PKNOX2: variants seen among roughly 807,000 people sequenced by gnomAD.
The protein encoded by PKNOX2 is PBX/knotted 1 homeobox 2, also known as homeobox protein PKNOX2.
A neutral mutation model predicts 53.1 loss-of-function variants in PKNOX2; 14 were observed. The observed-to-expected ratio is 0.26, with a 90% CI of 0.17 to 0.41. The LOEUF (loss-of-function observed/expected upper bound fraction) is 0.41. Ranked by LOEUF, PKNOX2 falls within the 10% of genes least tolerant of loss-of-function variation. The pLI, the probability that PKNOX2 is intolerant of heterozygous loss-of-function variation, is 1.00. For synonymous variants in PKNOX2, 257 were observed against 242.8 expected (o/e 1.06, Z -0.54); for missense variants, 496 against 602.8 (o/e 0.82, Z 1.85).
At chr11:125,332,405 G>T (rs147337526) in intron 3 of PKNOX2, among the ~76,000 whole-genome samples, 2 of 152,194 alleles carry the variant, frequency 1.3e-5, no homozygotes, top group East Asian at 3.9e-4. Flanking sequence ...TTGATGCATG[G>T]AAACTGCATT....
At chr11:125,384,835 G>A (rs1470085448) in intron 5 of PKNOX2, among the ~76,000 whole-genome samples, 1 of 151,950 alleles carries the variant, frequency 6.6e-6, no homozygotes, top group Non-Finnish European at 1.5e-5. Context: ...TCTGCTATGA[G>A]CATGCATGCC....
At chr11:125,277,043 G>GA (rs1289985249) in intron 2 of PKNOX2, among the ~76,000 whole-genome samples, 1 of 152,114 alleles carries the variant, frequency 6.6e-6, no homozygotes, top group African/African-American at 2.4e-5. Flanking sequence ...AACGGATCAT[G>GA]AAAAAAATGT....
intron 2 of PKNOX2, chr11:125,266,508 A>G (rs1945354922): frequency 6.6e-6 from 1 of 152,190 alleles, no homozygotes; most frequent in Non-Finnish European, 1.5e-5. Flanking sequence ...GGATGTGTGG[A>G]GGCAGGAAGG....
chr11:125,261,523 T>A (rs969624367), intron 2 of PKNOX2, among the ~76,000 whole-genome samples: 2 of 152,120 alleles, frequency 1.3e-5, no homozygotes, highest in African/African-American at 4.8e-5. Context: ...TGGACAGGGG[T>A]CCTTGTGGAG....
chr11:125,323,658 T>A (rs1319269129), intron 2 of PKNOX2, among the ~76,000 whole-genome samples: 1 of 152,172 alleles, frequency 6.6e-6, no homozygotes, highest in African/African-American at 2.4e-5. Context: ...AAAATTTACA[T>A]GTGTGGGGAA....
intron 2 of PKNOX2, among the ~76,000 whole-genome samples, chr11:125,264,996 A>G (rs114399320): frequency 6.6e-6 from 1 of 152,088 alleles, no homozygotes; most frequent in African/African-American, 2.4e-5. Flanking sequence ...TAAAACAGTT[A>G]CAGGGCTTAT....
In PKNOX2 at chr11:125,336,724, C is replaced by T. The variant is rs373334164; in HGVS notation, c.-23+4799C>T. On this transcript the variant is annotated intron_variant, in intron 3 of 12. Transcript: ENST00000298282. ...TAATATAGTATATAGCATTATATATCATACATAATACTGTATACTACATGA... is the reference window on the plus strand; with the variant it reads ...TAATATAGTATATAGCATTATATATTATACATAATACTGTATACTACATGA... Among the ~76,000 whole-genome samples the T allele has an allele frequency of 2.0e-3, 291 of 146,102 alleles. No homozygotes were observed. The South Asian group carries it at 0.024, about 12-fold the overall frequency.
intron 2 of PKNOX2, among the ~76,000 whole-genome samples, chr11:125,247,776 A>C (rs1442188809): frequency 6.6e-6 from 1 of 152,122 alleles, no homozygotes; most frequent in Non-Finnish European, 1.5e-5. Flanking sequence ...AGGATATGGG[A>C]TCTCCAGAGG....
intron 1 of PKNOX2, among the ~76,000 whole-genome samples, chr11:125,228,141 C>T (rs918507167): frequency 6.6e-6 from 1 of 152,222 alleles, no homozygotes; most frequent in Non-Finnish European, 1.5e-5. Context: ...TCTAGAGCAA[C>T]TCAGTCCTGC....
chr11:125,418,914 A>AT (rs1190919352), intron 10 of PKNOX2, among the ~76,000 whole-genome samples: 2 of 151,996 alleles, frequency 1.3e-5, no homozygotes, highest in Non-Finnish European at 2.9e-5. Context: ...ATGTTTTAAA[A>AT]TGTACGGGAG....
intron 7 of PKNOX2, 94 bp downstream of exon 7, chr11:125,398,156 T>C: frequency 7.5e-7 from 1 of 1,330,732 alleles, no homozygotes. Context: ...TGACCTTCAC[T>C]GGGTTAGACC....
In PKNOX2 at chr11:125,342,859, G is replaced by A. The variant is rs1408089182; in HGVS notation, c.-22-8425G>A. ...GAGCTGGAGGGCTCTCCACTGTCCC[G>A]ATCCCTGGAGCTGCTTGCATGTTGA... On this transcript the variant is annotated intron_variant, in intron 3 of 12. Transcript: ENST00000298282. Among the ~76,000 whole-genome samples the A allele has an allele frequency of 5.3e-5, 8 of 151,662 alleles. No individual in the cohort carries two copies. In the East Asian group the frequency reaches 1.2e-3, roughly 22 times the overall value.
intron 2 of PKNOX2, chr11:125,258,863 T>A (rs539913260): frequency 8.5e-4 from 333 of 393,382 alleles, no homozygotes; most frequent in African/African-American, 4.0e-3. Context: ...GCAGAGAACA[T>A]GTCTCTTGCC....
At chr11:125,168,838 G>T (rs1017002457) in intron 1 of PKNOX2, among the ~76,000 whole-genome samples, 6 of 152,210 alleles carry the variant, frequency 3.9e-5, no homozygotes, top group Non-Finnish European at 8.8e-5. Flanking sequence ...GTTAGCAATT[G>T]AATTTGTTTT....
rs138169959 is a variant in PKNOX2, at chr11:125,257,882, G to A, written c.-130+22767G>A. On this transcript the variant is annotated intron_variant, in intron 2 of 12. Transcript: ENST00000298282. Reference sequence around the variant, plus strand: ...CTGGTCTCATCATTAAGCCAGTGGCGTGGAGTAGGAAGCACTTTCCCTATA... The same window carrying A: ...CTGGTCTCATCATTAAGCCAGTGGCATGGAGTAGGAAGCACTTTCCCTATA... Among the ~76,000 whole-genome samples the A allele has an allele frequency of 1.4e-4, 21 of 152,308 alleles. No individual in the cohort carries two copies. In the East Asian group the frequency reaches 3.7e-3, roughly 27 times the overall value.
At chr11:125,341,532 G>C (rs981421074) in intron 3 of PKNOX2, among the ~76,000 whole-genome samples, 1 of 152,212 alleles carries the variant, frequency 6.6e-6, no homozygotes, top group Non-Finnish European at 1.5e-5. Flanking sequence ...TCTGCTGGGG[G>C]GAACAGGGGC....
chr11:125,386,622 A>G (rs10736546), intron 6 of PKNOX2, among the ~76,000 whole-genome samples: 46,449 of 151,872 alleles, frequency 0.31, 8,758 homozygotes, highest in African/African-American at 0.51. Flanking sequence ...TGATAGTGCT[A>G]TCCTCTTGCA....
At chr11:125,213,998 C>T (rs192371827) in intron 1 of PKNOX2, among the ~76,000 whole-genome samples, 30 of 152,158 alleles carry the variant, frequency 2.0e-4, no homozygotes, top group African/African-American at 5.5e-4. Flanking sequence ...CCTTTTGGCT[C>T]GGCTATCTCA....
In PKNOX2 at chr11:125,165,078, C is replaced by A. The variant is rs1395843852; in HGVS notation, c.-201+302C>A. On this transcript the variant is annotated intron_variant, in intron 1 of 12. Transcript: ENST00000298282. The surrounding 1 kb of genome is among the most constrained non-coding windows in gnomAD (Gnocchi z 4.5). ...CGGAGCGGAGCAGCGCGAGGGGCGG[C>A]GAGGCCGGGCACGGAGGCTGCGAGA... Among the ~76,000 whole-genome samples, 2 of 149,826 alleles carry A rather than the reference C, an allele frequency of 1.3e-5. No homozygotes were observed. The highest frequency in any genetic ancestry group is 4.9e-5 in the African/African-American group (2 of 41,052).
Sources: allele counts gnomAD v4.1 joint callset (sites outside exome capture counted in the v4.1 genomes callset), GRCh38; gene constraint gnomAD v4.1.1; non-coding constraint Gnocchi (gnomAD v3.1); transcripts MANE v1.5; gene names NCBI Gene and HGNC (gene_info 2026-07-23, HGNC 2026-07-21).